CTNNA2: variants seen among roughly 807,000 people sequenced by gnomAD.
CTNNA2 encodes catenin alpha-2.
In CTNNA2, 42 loss-of-function variants were observed where a neutral mutation model predicts 101.0. That is an observed-to-expected ratio of 0.42 (90% CI 0.32 to 0.54). CTNNA2 has a LOEUF of 0.54. Among genes scored for constraint, CTNNA2 ranks in the 20% least tolerant of loss-of-function variants. The pLI is 0.14. For missense variants in CTNNA2, 871 were observed against 1,223.1 expected (o/e 0.71, Z 4.29); for synonymous variants, 450 against 456.4 (o/e 0.99, Z 0.18).
intron 7 of CTNNA2, among the ~76,000 whole-genome samples, chr2:80,240,382 C>T (rs1439710529): frequency 6.6e-6 from 1 of 152,150 alleles, no homozygotes; most frequent in African/African-American, 2.4e-5. Context: ...GTTTCCCCTG[C>T]AACACTCAAT....
intron 7 of CTNNA2, among the ~76,000 whole-genome samples, chr2:80,322,014 A>G (rs1347718459): frequency 6.6e-6 from 1 of 152,202 alleles, no homozygotes; most frequent in African/African-American, 2.4e-5. Flanking sequence ...AGGAAGCAAC[A>G]ACAGAACAAA....
At chr2:79,838,910 C>T (rs1473824759) in intron 3 of CTNNA2, among the ~76,000 whole-genome samples, 1 of 152,106 alleles carries the variant, frequency 6.6e-6, no homozygotes, top group Admixed American at 6.5e-5. Flanking sequence ...AATACTACTA[C>T]AACTGTTACT....
chr2:79,428,521 G>A (rs1363196797), intron 4 of CTNNA2, among the ~76,000 whole-genome samples: 3 of 151,978 alleles, frequency 2.0e-5, no homozygotes, highest in Non-Finnish European at 1.5e-5. Flanking sequence ...TCTGTCCTGG[G>A]GCCGCTGACT....
intron 7 of CTNNA2, among the ~76,000 whole-genome samples, chr2:80,331,755 G>C (rs1671352680): frequency 6.6e-6 from 1 of 152,160 alleles, no homozygotes; most frequent in Non-Finnish European, 1.5e-5. Flanking sequence ...CTTGAGAAAA[G>C]AGTGAGGGTC....
chr2:80,132,543 A>G (rs938947614), intron 7 of CTNNA2, among the ~76,000 whole-genome samples: 1 of 152,186 alleles, frequency 6.6e-6, no homozygotes, highest in Non-Finnish European at 1.5e-5. Context: ...GGGCTTTATC[A>G]TTGTTACTAC....
At chr2:79,250,937 A>G (rs895766699) in intron 2 of CTNNA2, among the ~76,000 whole-genome samples, 2 of 152,224 alleles carry the variant, frequency 1.3e-5, no homozygotes, top group East Asian at 3.9e-4. Flanking sequence ...GAAAATAAAA[A>G]TAACTACCCC....
intron 7 of CTNNA2, among the ~76,000 whole-genome samples, chr2:80,079,901 A>C (rs913092773): frequency 1.7e-4 from 25 of 148,946 alleles, no homozygotes; most frequent in Non-Finnish European, 2.4e-4. Flanking sequence ...AAAATAAATA[A>C]AATAAAATAA....
intron 7 of CTNNA2, among the ~76,000 whole-genome samples, chr2:79,931,900 C>T (rs1387610719): frequency 6.6e-6 from 1 of 152,220 alleles, no homozygotes; most frequent in Non-Finnish European, 1.5e-5. Flanking sequence ...CTCAGAATCT[C>T]TCTCTCCTTA....
intron 9 of CTNNA2, among the ~76,000 whole-genome samples, chr2:80,460,513 T>C (rs1684336926): frequency 6.6e-6 from 1 of 152,138 alleles, no homozygotes; most frequent in Admixed American, 6.5e-5. Context: ...TATCCCTTTA[T>C]GTACTATATG....
At chr2:80,496,395 CTTTTTTTTT>C (rs34221173) in intron 9 of CTNNA2, among the ~76,000 whole-genome samples, 1 of 131,736 alleles carries the variant, frequency 7.6e-6, no homozygotes, top group African/African-American at 2.8e-5. Context: ...TCTTCACTGT[CTTTTTTTTT>C]TTTTTTTTTT....
chr2:80,620,251 C>T (rs1037385067), intron 18 of CTNNA2, among the ~76,000 whole-genome samples: 2 of 151,428 alleles, frequency 1.3e-5, no homozygotes, highest in African/African-American at 4.9e-5. Context: ...GGGTATCATC[C>T]CTTTTTTTTT....
intron 9 of CTNNA2, among the ~76,000 whole-genome samples, chr2:80,436,672 C>A (rs916415780): frequency 2.6e-5 from 4 of 152,062 alleles, no homozygotes; most frequent in African/African-American, 9.7e-5. Flanking sequence ...GATCGAGGCA[C>A]CAGCAGATTT....
chr2:80,243,996 C>G lies in CTNNA2; in HGVS notation c.1057-149215C>G, dbSNP rs184419884. 1.4e-4 allele frequency among the ~76,000 whole-genome samples: 21 copies of G among 152,286 alleles called. No individual in the cohort carries two copies. In the East Asian group the frequency reaches 4.1e-3, roughly 29 times the overall value. ...AGCCTGCAGGGCCATCTGCATCAAA[C>G]GTGGCCTCATCTCTGGCCACACATC... is the stretch of plus-strand genomic sequence containing the variant. On this transcript the variant is annotated intron_variant, in intron 7 of 18. Transcript: ENST00000402739.
rs35906931 is a variant in CTNNA2 at position 79,278,521 on chromosome 2, GA to G, written c.-405-34179del. On this transcript the variant is annotated intron_variant, in intron 2 of 21. Coordinates refer to the CTNNA2 transcript ENST00000466387. ...TCCAAAATGACATCCCCAAGCCCAC[GA>G]AAAAAAAATGTAATTGTGGGCAATT... Among the ~76,000 whole-genome samples, 4 of 151,330 alleles carry G rather than the reference GA, an allele frequency of 2.6e-5. No individual in the cohort carries two copies. In the East Asian group the frequency reaches 5.9e-4, roughly 22 times the overall value.
At chr2:80,513,346 G>A (rs1487478648) in intron 9 of CTNNA2, among the ~76,000 whole-genome samples, 1 of 152,154 alleles carries the variant, frequency 6.6e-6, no homozygotes, top group East Asian at 1.9e-4. Flanking sequence ...TATTTTTCAA[G>A]AAATAACAGT....
chr2:80,166,605 G>A (rs971343949), intron 7 of CTNNA2, among the ~76,000 whole-genome samples: 18 of 152,092 alleles, frequency 1.2e-4, no homozygotes, highest in African/African-American at 3.1e-4. Context: ...TCTGCATTCC[G>A]TGAGTTATTC....
intron 3 of CTNNA2, among the ~76,000 whole-genome samples, chr2:79,852,507 C>T (rs1036234777): frequency 3.9e-5 from 6 of 152,320 alleles, no homozygotes; most frequent in African/African-American, 1.4e-4. Flanking sequence ...TTCCAGTTTT[C>T]ATCATTTGAT....
rs1217377141 is a variant in CTNNA2 at position 79,375,529 on chromosome 2, G to A, written c.-135+1516G>A. ...GACATTTATACAGTGTCGACTCTAG[G>A]CCTGGGAATTCTCAGAGCTAAGAAT... On this transcript the variant is annotated intron_variant, in intron 4 of 21. Coordinates refer to the CTNNA2 transcript ENST00000466387. 2.0e-5 allele frequency among the ~76,000 whole-genome samples: 3 copies of A among 151,996 alleles called. No individual in the cohort carries two copies. The East Asian group carries it at 5.8e-4, about 29-fold the overall frequency.
chr2:80,438,125 T>C (rs1320172770), intron 9 of CTNNA2, among the ~76,000 whole-genome samples: 1 of 152,168 alleles, frequency 6.6e-6, no homozygotes, highest in Admixed American at 6.5e-5. Context: ...GCAAGTTTGG[T>C]TTCTCCTGAG....
Sources: allele counts gnomAD v4.1 joint callset (sites outside exome capture counted in the v4.1 genomes callset), GRCh38; gene constraint gnomAD v4.1.1; transcripts MANE v1.5; gene names NCBI Gene and HGNC (gene_info 2026-07-23, HGNC 2026-07-21).